CHST8: variants seen among roughly 807,000 people sequenced by gnomAD.
CHST8 encodes the protein GALNAC-4-ST1.
CHST8 carries 10 observed loss-of-function variants against 15.0 expected under a neutral mutation model. The observed-to-expected ratio is 0.67, with a 90% confidence interval of 0.41 to 1.13. CHST8 has a LOEUF of 1.13. CHST8 is among the 50% of genes most tolerant of loss of function. CHST8 has a pLI of 0.00. For missense variants in CHST8, 634 were observed against 608.2 expected (o/e 1.04, Z -0.45); for synonymous variants, 259 against 256.6 (o/e 1.01, Z -0.09).
intron 1 of CHST8, among the ~76,000 whole-genome samples, chr19:33,631,627 G>T (rs143052192): frequency 1.8e-4 from 27 of 152,306 alleles, no homozygotes; most frequent in Non-Finnish European, 3.7e-4. Context: ...GCCTCATGAG[G>T]TTTGGCCTCA....
intron 3 of CHST8, among the ~76,000 whole-genome samples, chr19:33,752,220 TA>T (rs1974434580): frequency 6.6e-6 from 1 of 152,116 alleles, no homozygotes; most frequent in Non-Finnish European, 1.5e-5. Flanking sequence ...GCCCGCCGCC[TA>T]GGGGGAAGCA....
Position 33,716,546 on chromosome 19 carries a change from T to C in CHST8, c.130+27155T>C, listed in dbSNP as rs117622810. On this transcript the variant is annotated intron_variant, in intron 3 of 4. Transcript: ENST00000650847. Reference sequence around the variant, plus strand: ...CATGCCTGGCTAATTTTGTTTCCTTTTTGTAGAGACAAGGTCTTACTCTGT... The same window carrying C: ...CATGCCTGGCTAATTTTGTTTCCTTCTTGTAGAGACAAGGTCTTACTCTGT... Among the ~76,000 whole-genome samples, 477 of 152,266 alleles carry C rather than the reference T, an allele frequency of 3.1e-3. 2 individuals carry two copies. The highest frequency in any genetic ancestry group is 5.1e-3 in the Non-Finnish European group (344 of 68,026).
intron 3 of CHST8, among the ~76,000 whole-genome samples, chr19:33,708,514 T>C (rs1471566947): frequency 6.6e-6 from 1 of 152,244 alleles, no homozygotes; most frequent in Non-Finnish European, 1.5e-5. Flanking sequence ...CCTTCGCACC[T>C]TGGTCAAAAA....
chr19:33,692,387 G>A (rs1372577542), intron 3 of CHST8, among the ~76,000 whole-genome samples: 3 of 152,116 alleles, frequency 2.0e-5, no homozygotes, highest in Non-Finnish European at 4.4e-5. Context: ...TTGGAGACCA[G>A]GCCAGAACCA....
intron 3 of CHST8, among the ~76,000 whole-genome samples, chr19:33,729,600 T>C (rs1973959387): frequency 6.6e-6 from 1 of 152,204 alleles, no homozygotes; most frequent in South Asian, 2.1e-4. Context: ...AGGTGAGGTA[T>C]GGTTGAGGTG....
At chr19:33,716,647 T>A (rs1033963690) in intron 3 of CHST8, among the ~76,000 whole-genome samples, 1 of 152,110 alleles carries the variant, frequency 6.6e-6, no homozygotes, top group Non-Finnish European at 1.5e-5. Context: ...GAATTACAGA[T>A]GTGAGCCACC....
rs555789180 is a variant in CHST8, at chr19:33,682,110, C to G, written c.-86-7066C>G. Among the ~76,000 whole-genome samples, 37 of 151,850 alleles carry G rather than the reference C, an allele frequency of 2.4e-4. No homozygotes were observed. The South Asian group carries it at 5.2e-3, about 21-fold the overall frequency. Reference sequence around the variant, plus strand: ...CCTCAGGTGATCCACCCGCCTTGGCCTCCCAAAAGTGCTGGGATTATAGGC... The same window carrying G: ...CCTCAGGTGATCCACCCGCCTTGGCGTCCCAAAAGTGCTGGGATTATAGGC... On this transcript the variant is annotated intron_variant, in intron 2 of 4. Coordinates refer to ENST00000650847, the MANE Select transcript of CHST8 (RefSeq NM_001127895.2).
At chr19:33,716,312 T>C (rs1400616) in intron 3 of CHST8, among the ~76,000 whole-genome samples, 6,629 of 152,304 alleles carry the variant, frequency 0.044, 451 homozygotes, top group African/African-American at 0.15. Flanking sequence ...CCTCAGATGC[T>C]TGATGAGCCC....
chr19:33,675,002 C>G (rs1452865971), intron 2 of CHST8, among the ~76,000 whole-genome samples: 1 of 152,222 alleles, frequency 6.6e-6, no homozygotes, highest in Non-Finnish European at 1.5e-5. Flanking sequence ...CCCAGGCACA[C>G]AGATACACAG....
intron 1 of CHST8, among the ~76,000 whole-genome samples, chr19:33,661,392 G>A (rs1423768487): frequency 1.3e-5 from 2 of 152,236 alleles, no homozygotes; most frequent in Admixed American, 6.5e-5. Context: ...TTGAGCTCAT[G>A]TATGCGACCC....
At chr19:33,754,260 G>T (rs1449735019) in intron 3 of CHST8, among the ~76,000 whole-genome samples, 1 of 150,238 alleles carries the variant, frequency 6.7e-6, no homozygotes, top group East Asian at 2.0e-4. Context: ...TGTGCTATGA[G>T]CTGGGCCTGG....
In CHST8 at chr19:33,772,347, G is replaced by A; in HGVS notation, c.559G>A (p.Glu187Lys). ...TPRHVSRIFVEDRHRVLYCEV... is the reference protein window; with the variant it reads ...TPRHVSRIFVKDRHRVLYCEV... The stretch of plus-strand genomic sequence containing the variant: ...CCGCCACGTGTCCCGTATCTTCGTG[G>A]AGGACCGCCACCGCGTGCTCTACTG... Residue 187 changes from glutamate to lysine, a missense_variant, in exon 5 of 5, where the codon GAG becomes AAG. Coordinates refer to ENST00000650847, the MANE Select transcript of CHST8 (RefSeq NM_001127895.2). 6.2e-7 allele frequency: 1 copy of A among 1,606,910 alleles called. No homozygotes were observed. Among genetic ancestry groups the A allele is most frequent in the South Asian group, 1.1e-5 (1 of 90,950 alleles).
rs191433861 is a variant in CHST8 at position 33,666,478 on chromosome 19, G to C, written c.-163-1289G>C. Among the ~76,000 whole-genome samples, 489 of 152,318 alleles carry C rather than the reference G, an allele frequency of 3.2e-3. 2 individuals carry two copies. The highest frequency in any genetic ancestry group is 0.011 in the African/African-American group (474 of 41,580). ...CAGGAATGGGGTTACGCGGAGACCA[G>C]CAGAGTTACACTGCAGAGAAGAGAA... On this transcript the variant is annotated intron_variant, in intron 1 of 4. Coordinates refer to ENST00000650847, the MANE Select transcript of CHST8 (RefSeq NM_001127895.2).
At chr19:33,651,289 A>G (rs1422976748) in intron 1 of CHST8, among the ~76,000 whole-genome samples, 1 of 152,116 alleles carries the variant, frequency 6.6e-6, no homozygotes, top group Non-Finnish European at 1.5e-5. Flanking sequence ...GTTAAATAAC[A>G]GTGGGCTTCT....
chr19:33,740,524 G>A (rs1974165306), intron 3 of CHST8, among the ~76,000 whole-genome samples: 1 of 152,198 alleles, frequency 6.6e-6, no homozygotes, highest in African/African-American at 2.4e-5. Context: ...CCAGGGAAAG[G>A]AGAATCACCC....
chr19:33,767,802 G>A (rs10853929), intron 3 of CHST8, among the ~76,000 whole-genome samples: 32,299 of 152,082 alleles, frequency 0.21, 3,557 homozygotes, highest in Middle Eastern at 0.29. Context: ...GGGAAGGTGC[G>A]TGGCAGCATT....
At chr19:33,731,061 C>G (rs544605537) in intron 3 of CHST8, among the ~76,000 whole-genome samples, 110 of 152,348 alleles carry the variant, frequency 7.2e-4, no homozygotes, top group Non-Finnish European at 1.1e-3. Context: ...GTCTGCCTCT[C>G]CCAGTCCACT....
At position 33,670,759 on chromosome 19, in the gene CHST8, C is replaced by T. The variant is rs183196843; in HGVS notation, c.-87+2916C>T. ...GCCAACTGCAGGTTGATGGAATTGT[C>T]GGAGAGAGAGCATGTCGGGGGGCTC... On this transcript the variant is annotated intron_variant, in intron 2 of 4. Coordinates refer to ENST00000650847, the MANE Select transcript of CHST8 (RefSeq NM_001127895.2). Among the ~76,000 whole-genome samples the T allele has an allele frequency of 2.2e-3, 341 of 152,272 alleles. 1 individual carries two copies. Among genetic ancestry groups the T allele is most frequent in the Non-Finnish European group, 3.4e-3 (229 of 68,028 alleles).
intron 3 of CHST8, among the ~76,000 whole-genome samples, chr19:33,749,676 A>G (rs78261850): frequency 6.6e-6 from 1 of 151,814 alleles, no homozygotes; most frequent in Non-Finnish European, 1.5e-5. Flanking sequence ...CCTCAGTCTT[A>G]CTGCTACTCA....
Sources: gnomAD v4.1 joint callset for allele counts (sites outside exome capture counted in the v4.1 genomes callset) on GRCh38, gnomAD v4.1.1 for gene constraint, MANE v1.5 for transcripts, NCBI Gene and HGNC (gene_info 2026-07-23, HGNC 2026-07-21) for gene names.